Variants in C16orf95 observed in about 807,000 individuals in gnomAD.
C16orf95 encodes the protein uncharacterized protein C16orf95.
C16orf95 carries 41 observed loss-of-function variants against 32.1 expected under a neutral mutation model. That is an observed-to-expected ratio of 1.28 (90% confidence interval 1.00 to 1.66). C16orf95 has a LOEUF of 1.66. C16orf95 is among the 40% of genes most tolerant of loss of function. C16orf95 has a pLI of 0.00. For synonymous variants in C16orf95, 147 were observed against 128.9 expected (o/e 1.14, Z -0.95); for missense variants, 399 against 325.9 (o/e 1.22, Z -1.73).
rs116185256 is a variant in C16orf95, at chr16:87,311,680, T to C, written c.331-384A>G. Among the ~76,000 whole-genome samples, 1,508 of 152,346 alleles carry C rather than the reference T, an allele frequency of 9.9e-3. 34 individuals carry two copies. The highest frequency in any genetic ancestry group is 0.035 in the African/African-American group (1,459 of 41,580). On this transcript the variant is annotated intron_variant, in intron 3 of 6. Coordinates refer to ENST00000567970, the MANE Select transcript of C16orf95 (RefSeq NM_001195124.3). ...CCCTGTGCCGCAGTGCTCTCAGCTA[T>C]GAAGAGGGCTCTGCTGGCATCTTAA... is the stretch of plus-strand genomic sequence containing the variant.
intron 2 of C16orf95, 143 bp from the exon 3 acceptor site, chr16:87,315,239 G>T: frequency 1.1e-6 from 1 of 886,804 alleles, no homozygotes; most frequent in Non-Finnish European, 1.7e-6. Context: ...CTTGGAAAGA[G>T]GCAGGCTACC....
rs1161064551 is a variant in C16orf95, at chr16:87,315,826, A to G, written c.153-3T>C. 3.9e-6 allele frequency: 6 copies of G among 1,528,662 alleles called. No individual in the cohort carries two copies. The highest frequency in any genetic ancestry group is 5.2e-6 in the Non-Finnish European group (6 of 1,143,074). The allele number at this position is 1,528,662 out of a possible 1,614,324, so 94.7% of individuals were successfully genotyped here. On this transcript the variant is annotated splice_polypyrimidine_tract_variant and splice_region_variant and intron_variant, in intron 1 of 6. Transcript: ENST00000567970. ...TGTAGGTTTGAAATGTGCTATTCCT[A>G]GAAGAGAAGAACAGAAAAGCTTAGG...
rs1904395317 is a variant in C16orf95 at position 87,317,304 on chromosome 16, G to A, written c.-62C>T. 2.8e-6 allele frequency: 4 copies of A among 1,451,670 alleles called. No individual in the cohort carries two copies. Among genetic ancestry groups the A allele is most frequent in the Non-Finnish European group, 3.6e-6 (4 of 1,100,952 alleles). The allele number at this position is 1,451,670 out of a possible 1,614,324, so 89.9% of individuals were successfully genotyped here. ...CATCGTCCGCAGGCCCTGACGCCCTGGCTCCCGCCTTTCCCTCCTGCCCCA... is the reference window on the plus strand; with the variant it reads ...CATCGTCCGCAGGCCCTGACGCCCTAGCTCCCGCCTTTCCCTCCTGCCCCA... On this transcript the variant is annotated 5_prime_UTR_variant, in exon 1 of 7. Transcript: ENST00000567970.
chr16:87,304,595 G>A (rs892558353), intron 6 of C16orf95, among the ~76,000 whole-genome samples: 21 of 152,190 alleles, frequency 1.4e-4, no homozygotes, highest in African/African-American at 4.8e-4. Context: ...AGAGCTCACC[G>A]CGCCCGCTCC....
chr16:87,314,937 C>G (rs1345514827), intron 3 of C16orf95, 34 bp downstream of exon 3: 1 of 1,531,246 alleles, frequency 6.5e-7, no homozygotes, highest in East Asian at 2.4e-5. Context: ...CACCCTGGAC[C>G]CTAGGGGAAG....
At chr16:87,314,615 C>T (rs1363554387) in intron 3 of C16orf95, among the ~76,000 whole-genome samples, 2 of 152,112 alleles carry the variant, frequency 1.3e-5, no homozygotes, top group Admixed American at 6.5e-5. Flanking sequence ...GGAATACCTA[C>T]GGCAAGACTT....
intron 3 of C16orf95, among the ~76,000 whole-genome samples, chr16:87,312,437 T>A (rs1421139430): frequency 6.6e-6 from 1 of 151,716 alleles, no homozygotes; most frequent in African/African-American, 2.4e-5. Context: ...GGAGTGGTGG[T>A]GGGCACCTGT....
chr16:87,315,417 T>C (rs1904312381), intron 2 of C16orf95, among the ~76,000 whole-genome samples: 1 of 152,164 alleles, frequency 6.6e-6, no homozygotes, highest in South Asian at 2.1e-4. Context: ...TATGCGCACA[T>C]GAGTGCTGCC....
At position 87,305,430 on chromosome 16, in the gene C16orf95, T is replaced by G. The variant is rs1040916958; in HGVS notation, c.701+289A>C. On this transcript the variant is annotated intron_variant, in intron 6 of 6. Transcript: ENST00000567970. The surrounding 1 kb of genome is among the most constrained non-coding windows in gnomAD (Gnocchi z 4.2). ...GAAAATTTATGGAAACTGGGACCCG[T>G]GTCCTTCTGGGAGCAGGGCCATTTT... Among the ~76,000 whole-genome samples the G allele has an allele frequency of 5.9e-5, 9 of 151,486 alleles. No individual in the cohort carries two copies. Among genetic ancestry groups the G allele is most frequent in the Non-Finnish European group, 1.3e-4 (9 of 67,704 alleles).
intron 5 of C16orf95, among the ~76,000 whole-genome samples, chr16:87,306,628 C>T (rs1438549290): frequency 6.6e-6 from 1 of 152,144 alleles, no homozygotes; most frequent in Non-Finnish European, 1.5e-5. Context: ...TGGACTTTCT[C>T]ATTAAAATGG....
intron 3 of C16orf95, among the ~76,000 whole-genome samples, chr16:87,313,735 G>GA (rs1911386415): frequency 1.3e-5 from 2 of 152,158 alleles, no homozygotes; most frequent in Admixed American, 6.6e-5. Context: ...CTCAAAAAAG[G>GA]AAAGGCAGGC....
At chr16:87,314,942 G>T (rs779140144) in intron 3 of C16orf95, 29 bp downstream of exon 3, 11 of 1,533,284 alleles carry the variant, frequency 7.2e-6, no homozygotes, top group Middle Eastern at 1.7e-4. Context: ...TGGACCCTAG[G>T]GGAAGACCTC....
rs1028340281 is a variant in C16orf95 at position 87,317,298 on chromosome 16, C to T, written c.-56G>A. ...CACACACATCGTCCGCAGGCCCTGA[C>T]GCCCTGGCTCCCGCCTTTCCCTCCT... is the stretch of plus-strand genomic sequence containing the variant. On this transcript the variant is annotated 5_prime_UTR_variant, in exon 1 of 7. Coordinates refer to ENST00000567970, the MANE Select transcript of C16orf95 (RefSeq NM_001195124.3). The T allele has an allele frequency of 2.5e-5, 36 of 1,455,778 alleles. No individual in the cohort carries two copies. In the Admixed American group the frequency reaches 8.1e-4, roughly 33 times the overall value. 90.2% of individuals were successfully genotyped at this position (1,455,778 alleles called of 1,614,324 possible).
intron 1 of C16orf95, 134 bp downstream of exon 1, chr16:87,316,957 A>C (rs1274586980): frequency 7.4e-7 from 1 of 1,344,972 alleles, no homozygotes; most frequent in Non-Finnish European, 9.6e-7. Context: ...CGTTTTTGTT[A>C]AGCCAATGTA....
At chr16:87,311,925 G>A (rs1043244111) in intron 3 of C16orf95, among the ~76,000 whole-genome samples, 4 of 152,198 alleles carry the variant, frequency 2.6e-5, no homozygotes, top group Non-Finnish European at 4.4e-5. Context: ...TGGGAATAAT[G>A]GAACAGAGCT....
chr16:87,310,573 C>T (rs1476486161), intron 4 of C16orf95, among the ~76,000 whole-genome samples: 1 of 152,188 alleles, frequency 6.6e-6, no homozygotes, highest in Non-Finnish European at 1.5e-5. Flanking sequence ...ACCCAGGACA[C>T]AGGGAAAGCA....
chr16:87,315,610 G>A (rs1187274717), intron 2 of C16orf95, among the ~76,000 whole-genome samples, 162 bp downstream of exon 2: 1 of 152,228 alleles, frequency 6.6e-6, no homozygotes, highest in East Asian at 1.9e-4. Context: ...GTGAGGGCCT[G>A]GGAGGTGTTC....
intron 3 of C16orf95, among the ~76,000 whole-genome samples, chr16:87,314,519 T>C (rs1904302691): frequency 6.6e-6 from 1 of 152,120 alleles, no homozygotes; most frequent in African/African-American, 2.4e-5. Context: ...GTATGGAATG[T>C]TGGGTAAAGT....
At chr16:87,315,257 GC>G (rs965094066) in intron 2 of C16orf95, among the ~76,000 whole-genome samples, 161 bp from the exon 3 acceptor site, 2 of 152,170 alleles carry the variant, frequency 1.3e-5, no homozygotes, top group African/African-American at 4.8e-5. Flanking sequence ...ACCGTGGCTC[GC>G]CCTGAGGCCT....
Sources: allele counts gnomAD v4.1 joint callset (sites outside exome capture counted in the v4.1 genomes callset), GRCh38; gene constraint gnomAD v4.1.1; non-coding constraint Gnocchi (gnomAD v3.1); transcripts MANE v1.5; gene names NCBI Gene and HGNC (gene_info 2026-07-23, HGNC 2026-07-21).